The following TNS3 variants were observed in gnomAD, a reference collection of about 807,000 sequenced individuals.
The protein encoded by TNS3 is tensin 3, also known as tensin-3.
Under a neutral mutation model 140.9 loss-of-function variants are expected in TNS3, and 45 were observed. The observed-to-expected ratio is 0.32, with a 90% CI of 0.25 to 0.41. The LOEUF (loss-of-function observed/expected upper bound fraction) is 0.41, where lower values mean the gene tolerates loss of function less well. Ranked by LOEUF, TNS3 falls within the 10% of genes least tolerant of loss-of-function variation. TNS3 has a pLI of 1.00. For missense variants in TNS3, 1,716 were observed against 1,906.7 expected (o/e 0.90, Z 1.86); for synonymous variants, 815 against 788.4 (o/e 1.03, Z -0.56).
intron 8 of TNS3, among the ~76,000 whole-genome samples, chr7:47,433,891 C>A (rs398048278): frequency 0.011 from 634 of 57,194 alleles, 3 homozygotes; most frequent in Non-Finnish European, 0.014. Flanking sequence ...CTATCTCTCT[C>A]TCTCTCTCTC....
At chr7:47,283,354 C>T (rs776611218) in intron 28 of TNS3, among the ~76,000 whole-genome samples, 3 of 152,250 alleles carry the variant, frequency 2.0e-5, no homozygotes, top group Admixed American at 6.5e-5. Flanking sequence ...GATCATTGGA[C>T]TCTGATCATA....
At chr7:47,498,628 CT>C (rs917562054) in intron 3 of TNS3, among the ~76,000 whole-genome samples, 6 of 152,228 alleles carry the variant, frequency 3.9e-5, no homozygotes, top group African/African-American at 1.4e-4. Flanking sequence ...TCATAATTCT[CT>C]TTTGGCCTCT....
intron 20 of TNS3, among the ~76,000 whole-genome samples, chr7:47,326,559 A>G (rs1327135902): frequency 6.6e-6 from 1 of 151,950 alleles, no homozygotes; most frequent in Non-Finnish European, 1.5e-5. Flanking sequence ...AGGAAGCCCC[A>G]GCAGAAGACA....
Position 47,292,869 on chromosome 7 carries a change from G to C in TNS3, c.3809C>G (p.Thr1270Arg), listed in dbSNP as rs373172661. ...LTALVCQHSI[T>R]PLALPCKLLI... is the part of the protein sequence containing the mutation. ...CAGCTTGCACGGCAAGGCCAAGGGC[G>C]TGATGGAATGCTGGCACACCAAGGC... Residue 1270 changes from threonine to arginine, a missense_variant, in exon 26 of 31, where the codon ACG (threonine) becomes AGG (arginine). Thr to Arg is a moderately conservative substitution (Grantham distance 71, BLOSUM62 -1). Transcript: ENST00000311160. 1.9e-6 allele frequency: 3 copies of C among 1,614,038 alleles called. No homozygotes were observed. Among genetic ancestry groups the C allele is most frequent in the Admixed American group, 3.3e-5 (2 of 60,012 alleles).
At chr7:47,413,890 A>G (rs1042589336) in intron 12 of TNS3, 47 bp downstream of exon 12, 9 of 1,610,634 alleles carry the variant, frequency 5.6e-6, no homozygotes, top group Admixed American at 1.7e-5. Context: ...CAGTTCCCTG[A>G]GCCGTCCAGG....
intron 3 of TNS3, among the ~76,000 whole-genome samples, chr7:47,482,149 C>G (rs906653065): frequency 6.6e-6 from 1 of 152,222 alleles, no homozygotes; most frequent in African/African-American, 2.4e-5. Context: ...ATCCCTGGCA[C>G]CTGCCTTCTC....
chr7:47,443,121 T>C (rs1534137), intron 4 of TNS3, among the ~76,000 whole-genome samples: 59,109 of 151,886 alleles, frequency 0.39, 11,739 homozygotes, highest in Non-Finnish European at 0.42. Context: ...AAGGTGCCGG[T>C]GAGCTCAGCC....
At chr7:47,431,601 A>C (rs1794934735) in intron 8 of TNS3, among the ~76,000 whole-genome samples, 1 of 152,220 alleles carries the variant, frequency 6.6e-6, no homozygotes, top group South Asian at 2.1e-4. Flanking sequence ...CAAAAAACAA[A>C]ACAAAACACA....
intron 20 of TNS3, among the ~76,000 whole-genome samples, chr7:47,340,306 A>T (rs1051516866): frequency 4.7e-5 from 7 of 150,420 alleles, no homozygotes; most frequent in African/African-American, 1.5e-4. Flanking sequence ...TATTTTGAGT[A>T]CAGACAGAGT....
chr7:47,437,219 T>C, intron 7 of TNS3, 44 bp downstream of exon 7: 1 of 1,381,302 alleles, frequency 7.2e-7, no homozygotes, highest in Non-Finnish European at 9.9e-7. Flanking sequence ...TAAGCATTGT[T>C]TACATTTTAC....
At chr7:47,461,310 A>C (rs1796480134) in intron 4 of TNS3, among the ~76,000 whole-genome samples, 1 of 152,238 alleles carries the variant, frequency 6.6e-6, no homozygotes, top group South Asian at 2.1e-4. Flanking sequence ...AGGTCACTCC[A>C]AAACCACCTC....
Position 47,411,785 on chromosome 7 carries a change from T to C in TNS3, c.665A>G (p.Asn222Ser). 6.2e-7 allele frequency: 1 copy of C among 1,613,282 alleles called. No homozygotes were observed. ...GATGACGATGCAGATCCTGCTGGGG[T>C]TTTCTGGGCCAACGTTGCTTTGGGA... ...TSGIYNVGPENPSRICIVIEP... is the reference protein window; with the variant it reads ...TSGIYNVGPESPSRICIVIEP... The change falls in exon 13 of 31, where the codon AAC becomes AGC. Residue 222 changes from asparagine (N) to serine (S), a missense_variant. Coordinates refer to ENST00000311160, the MANE Select transcript of TNS3 (RefSeq NM_022748.12).
intron 2 of TNS3, among the ~76,000 whole-genome samples, chr7:47,522,399 C>T (rs1394494742): frequency 2.0e-5 from 3 of 152,100 alleles, no homozygotes; most frequent in Non-Finnish European, 4.4e-5. Context: ...CTTCCGACCC[C>T]CCAGTACTCC....
At chr7:47,409,439 C>T (rs764350870) in intron 13 of TNS3, among the ~76,000 whole-genome samples, 2 of 152,130 alleles carry the variant, frequency 1.3e-5, no homozygotes, top group Non-Finnish European at 2.9e-5. Context: ...CACATCTTAG[C>T]CTGAGGGTCA....
chr7:47,455,757 A>C (rs1796220375), intron 4 of TNS3, among the ~76,000 whole-genome samples: 1 of 152,240 alleles, frequency 6.6e-6, no homozygotes, highest in South Asian at 2.1e-4. Flanking sequence ...CTCCAGCTCT[A>C]GAAACCACGG....
chr7:47,565,916 G>T (rs1182837582), intron 1 of TNS3, among the ~76,000 whole-genome samples: 1 of 152,158 alleles, frequency 6.6e-6, no homozygotes, highest in Admixed American at 6.6e-5. Context: ...GGAGGCTTTG[G>T]AAGAGCAACC....
chr7:47,340,281 C>T (rs371328299), intron 20 of TNS3, among the ~76,000 whole-genome samples: 1 of 150,906 alleles, frequency 6.6e-6, no homozygotes, highest in African/African-American at 2.4e-5. Flanking sequence ...CACTGCCACG[C>T]CCAACTAATT....
At chr7:47,322,870 G>C (rs1179109310) in intron 20 of TNS3, among the ~76,000 whole-genome samples, 1 of 152,138 alleles carries the variant, frequency 6.6e-6, no homozygotes, top group African/African-American at 2.4e-5. Flanking sequence ...GGTGGCCACG[G>C]ACCCTGCTCT....
intron 5 of TNS3, among the ~76,000 whole-genome samples, chr7:47,440,747 C>T (rs574691295): frequency 4.6e-5 from 7 of 152,190 alleles, no homozygotes; most frequent in Non-Finnish European, 1.0e-4. Flanking sequence ...TGAACCCAAT[C>T]GGTGCCCCCA....
Sources: allele counts gnomAD v4.1 joint callset (sites outside exome capture counted in the v4.1 genomes callset), GRCh38; gene constraint gnomAD v4.1.1; transcripts MANE v1.5; gene names NCBI Gene and HGNC (gene_info 2026-07-23, HGNC 2026-07-21).